FGR: variants seen among roughly 807,000 people sequenced by gnomAD.
FGR encodes tyrosine-protein kinase Fgr.
A neutral mutation model predicts 63.2 loss-of-function variants in FGR; 26 were observed. The ratio of observed to expected loss-of-function variants is 0.41; its 90% CI spans 0.30 to 0.57. The LOEUF (loss-of-function observed/expected upper bound fraction) is 0.57. Ranked by LOEUF, FGR falls within the 20% of genes least tolerant of loss-of-function variation. FGR has a pLI of 0.27. For synonymous variants in FGR, 286 were observed against 277.7 expected (o/e 1.03, Z -0.30); for missense variants, 511 against 690.8 (o/e 0.74, Z 2.92).
rs1461656628 is a variant in FGR, at chr1:27,617,085, C to A, written c.533-79G>T. The A allele has an allele frequency of 1.9e-6, 3 of 1,603,756 alleles. No homozygotes were observed. Among genetic ancestry groups the A allele is most frequent in the Non-Finnish European group, 2.6e-6 (3 of 1,172,462 alleles). On this transcript the variant is annotated intron_variant, in intron 6 of 12. Coordinates refer to ENST00000374005, the MANE Select transcript of FGR (RefSeq NM_005248.3). This position sits in a 1 kb window ranked among gnomAD's most constrained non-coding sequence, Gnocchi z 4.5. ...CTGGGAGAGGCCCGACAGCAGCATC[C>A]CTAGGACCTGGTCCCAGTCTTGGCC... is the stretch of plus-strand genomic sequence containing the variant.
At chr1:27,632,601 C>T (rs2090121474) in intron 1 of FGR, among the ~76,000 whole-genome samples, 1 of 152,194 alleles carries the variant, frequency 6.6e-6, no homozygotes, top group African/African-American at 2.4e-5. Context: ...GGTCCCGAGG[C>T]CATTAGCAGT....
At chr1:27,627,903 C>T (rs2090046437) in intron 1 of FGR, among the ~76,000 whole-genome samples, 1 of 152,118 alleles carries the variant, frequency 6.6e-6, no homozygotes, top group Non-Finnish European at 1.5e-5. Context: ...GCCACTGCAC[C>T]TGGCCTAAGT....
Position 27,621,593 on chromosome 1 carries a change from A to G in FGR, c.394T>C (p.Tyr132His). ...TGGATTGAGTCAACAGGGGCCACGT[A>G]GTTGCTGGGAATGCAGCCAGTTTTT... is the stretch of plus-strand genomic sequence containing the variant. The part of the protein sequence containing the change: ...SGKTGCIPSN[Y>H]VAPVDSIQAE... The change falls in exon 5 of 13, where the codon TAC becomes CAC. Residue 132 changes from tyrosine to histidine, a missense_variant. Transcript: ENST00000374005. 6.2e-7 allele frequency: 1 copy of G among 1,613,932 alleles called. No homozygotes were observed. Among genetic ancestry groups the G allele is most frequent in the Non-Finnish European group, 8.5e-7 (1 of 1,179,938 alleles).
rs1048378161 is a variant in FGR, at chr1:27,623,062, C to A, written c.309G>T (p.Lys103Asn). 4 of 1,613,996 alleles carry A rather than the reference C, an allele frequency of 2.5e-6. No homozygotes were observed. The highest frequency in any genetic ancestry group is 3.4e-6 in the Non-Finnish European group (4 of 1,179,834). ...CTTACGTATTGTTCAGGATGTGGAA[C>A]TTCTCGCCCTTGGTGAAGGTGAGGT... The part of the protein sequence containing the change: ...EDDLTFTKGE[K>N]FHILNNTEGD... Residue 103 changes from lysine to asparagine, a missense_variant, in exon 4 of 13, where the codon AAG (lysine) becomes AAT (asparagine). Physicochemically the swap from Lys to Asn is moderately conservative, Grantham distance 94. Transcript: ENST00000374005.
chr1:27,615,671 C>T lies in FGR; in HGVS notation c.838+18G>A, dbSNP rs2089794272. 6.3e-7 allele frequency: 1 copy of T among 1,591,880 alleles called. No homozygotes were observed. Among genetic ancestry groups the T allele is most frequent in the Non-Finnish European group, 8.6e-7 (1 of 1,163,658 alleles). On this transcript the variant is annotated intron_variant, in intron 8 of 12. Coordinates refer to ENST00000374005, the MANE Select transcript of FGR (RefSeq NM_005248.3). This position sits in a 1 kb window ranked among gnomAD's most constrained non-coding sequence, Gnocchi z 7.6. ...CCCCGAGCCCAGGCCCTCGTCCCGG[C>T]CCCCGGGAGCTCCGTACCCAGCCAC...
Position 27,616,983 on chromosome 1 carries a change from C to A in FGR, c.556G>T (p.Asp186Tyr). 6.2e-7 allele frequency: 1 copy of A among 1,614,188 alleles called. No homozygotes were observed. Among genetic ancestry groups the A allele is most frequent in the Non-Finnish European group, 8.5e-7 (1 of 1,180,038 alleles). Reference sequence around the variant, plus strand: ...TGATCGCCTCTGGTCTGATCCCAGTCCCGGATGGACAGGGAGTAGGCACCT... The same window carrying A: ...TGATCGCCTCTGGTCTGATCCCAGTACCGGATGGACAGGGAGTAGGCACCT... ...TKGAYSLSIR[D>Y]WDQTRGDHVK... Residue 186 changes from aspartate to tyrosine, a missense_variant, in exon 7 of 13, where the codon GAC becomes TAC. By Grantham distance (160) the Asp-to-Tyr change is radical (BLOSUM62 -3). Coordinates refer to ENST00000374005, the MANE Select transcript of FGR (RefSeq NM_005248.3). The surrounding 1 kb of genome is among the most constrained non-coding windows in gnomAD (Gnocchi z 4.3).
In FGR at chr1:27,621,620, C is replaced by A; in HGVS notation, c.367G>T (p.Gly123Ter). Residue 123 changes from glycine to a stop codon, truncating the protein, a stop_gained, in exon 5 of 13, where the codon GGA becomes TGA. Transcript: ENST00000374005. LOFTEE classifies it high-confidence loss of function. Reference sequence around the variant, plus strand: ...TTGCTGGGAATGCAGCCAGTTTTTCCGGAGCTGAGAGACCGAGCCTCCCAC... The same window carrying A: ...TTGCTGGGAATGCAGCCAGTTTTTCAGGAGCTGAGAGACCGAGCCTCCCAC... ...DWWEARSLSS[G>*]KTGCIPSNYV... The A allele has an allele frequency of 6.2e-7, 1 of 1,613,908 alleles. No homozygotes were observed. Among genetic ancestry groups the A allele is most frequent in the Non-Finnish European group, 8.5e-7 (1 of 1,179,912 alleles).
At chr1:27,620,291 TG>T (rs796874082) in intron 5 of FGR, among the ~76,000 whole-genome samples, 167 of 152,132 alleles carry the variant, frequency 1.1e-3, no homozygotes, top group African/African-American at 3.8e-3. Context: ...CCCTCCAACC[TG>T]GGCAACAGAG....
At chr1:27,622,092 T>C (rs2089939403) in intron 4 of FGR, among the ~76,000 whole-genome samples, 1 of 152,002 alleles carries the variant, frequency 6.6e-6, no homozygotes, top group Admixed American at 6.6e-5. Flanking sequence ...CAGGCAGATC[T>C]CCTGAGGTCA....
At position 27,615,566 on chromosome 1, in the gene FGR, C is replaced by G. The variant is rs970335559; in HGVS notation, c.886G>C (p.Gly296Arg). The change falls in exon 9 of 13, where the codon GGC becomes CGC. Residue 296 changes from glycine (G) to arginine (R), a missense_variant. By Grantham distance (125) the Gly-to-Arg change is moderately radical. Transcript: ENST00000374005. This position sits in a 1 kb window ranked among gnomAD's most constrained non-coding sequence, Gnocchi z 7.6. Reference protein sequence around the residue: ...TKVAVKTLKPGTMSPKAFLEE... With the variant: ...TKVAVKTLKPRTMSPKAFLEE... Reference sequence around the variant, plus strand: ...AGGAAGGCCTTCGGGGACATGGTGCCCGGCTTCAGCGTCTTCACCGCCACC... The same window carrying G: ...AGGAAGGCCTTCGGGGACATGGTGCGCGGCTTCAGCGTCTTCACCGCCACC... The G allele has an allele frequency of 1.2e-6, 2 of 1,613,700 alleles. No individual in the cohort carries two copies. Among genetic ancestry groups the G allele is most frequent in the Non-Finnish European group, 1.7e-6 (2 of 1,179,642 alleles).
intron 11 of FGR, among the ~76,000 whole-genome samples, chr1:27,613,638 A>G (rs966895056): frequency 4.0e-5 from 6 of 150,240 alleles, no homozygotes; most frequent in African/African-American, 1.5e-4. Context: ...GGGAGGCTTC[A>G]ATAACCTGAG....
At chr1:27,614,323 G>C in intron 11 of FGR, 107 bp downstream of exon 11, 1 of 1,278,294 alleles carries the variant, frequency 7.8e-7, no homozygotes, top group South Asian at 1.5e-5. Flanking sequence ...ATCAGGATGG[G>C]GCGACTCGGG....
intron 5 of FGR, among the ~76,000 whole-genome samples, chr1:27,620,608 C>T (rs986359488): frequency 3.6e-4 from 54 of 151,962 alleles, no homozygotes; most frequent in African/African-American, 1.3e-3. Context: ...CAGAGCACGC[C>T]CCTGTCTCTT....
At chr1:27,627,486 T>C (rs1428696651) in intron 1 of FGR, among the ~76,000 whole-genome samples, 3 of 149,690 alleles carry the variant, frequency 2.0e-5, no homozygotes, top group Non-Finnish European at 4.4e-5. Flanking sequence ...ACATCCTCTA[T>C]AAAAGAATAG....
At chr1:27,627,453 C>CACACACAT (rs2090039914) in intron 1 of FGR, among the ~76,000 whole-genome samples, 1 of 150,356 alleles carries the variant, frequency 6.7e-6, no homozygotes, top group African/African-American at 2.4e-5. Context: ...CATGAACACA[C>CACACACAT]ACACACACAC....
At chr1:27,621,427 C>A in intron 5 of FGR, 132 bp downstream of exon 5, 1 of 656,824 alleles carries the variant, frequency 1.5e-6, no homozygotes, top group Non-Finnish European at 2.8e-6. Context: ...TTTGTTCTCA[C>A]AATGACCTTA....
At chr1:27,624,472 G>A (rs1410964973) in intron 2 of FGR, among the ~76,000 whole-genome samples, 1 of 152,148 alleles carries the variant, frequency 6.6e-6, no homozygotes, top group Non-Finnish European at 1.5e-5. Context: ...GCTTTGATAT[G>A]TTGTGTTTCT....
rs184746318 is a variant in FGR, at chr1:27,613,304, A to G, written c.1296T>C (p.Phe432=). The G allele has an allele frequency of 1.9e-5, 31 of 1,614,140 alleles. No homozygotes were observed. In the East Asian group the frequency reaches 4.0e-4, roughly 21 times the overall value. The stretch of plus-strand genomic sequence containing the variant: ...CGTCTGACTTGATGGTGAATCTGCC[A>G]AAGAGGGCAGCTTCTGGGGCTGTCC... ...IKWTAPEAAL[F]GRFTIKSDVW... is the part of the protein sequence containing the mutation. Residue 432 remains phenylalanine, a synonymous_variant, in exon 12 of 13, where the codon TTT becomes TTC. Coordinates refer to ENST00000374005, the MANE Select transcript of FGR (RefSeq NM_005248.3).
At chr1:27,628,573 C>T (rs943106856) in intron 1 of FGR, among the ~76,000 whole-genome samples, 1 of 150,068 alleles carries the variant, frequency 6.7e-6, no homozygotes, top group Non-Finnish European at 1.5e-5. Context: ...ACACAGCCCT[C>T]TCCGGTGACA....
Sources: gnomAD v4.1 joint callset for allele counts (sites outside exome capture counted in the v4.1 genomes callset) on GRCh38, gnomAD v4.1.1 for gene constraint, Gnocchi (gnomAD v3.1) non-coding constraint, MANE v1.5 for transcripts, NCBI Gene and HGNC (gene_info 2026-07-23, HGNC 2026-07-21) for gene names.